WDPCP: variants seen among roughly 807,000 people sequenced by gnomAD.
WDPCP encodes the protein WD repeat containing planar cell polarity effector.
A neutral mutation model predicts 93.1 loss-of-function variants in WDPCP; 71 were observed. The ratio of observed to expected loss-of-function variants is 0.76; its 90% CI spans 0.63 to 0.93. The LOEUF (loss-of-function observed/expected upper bound fraction) is 0.93. Ranked by LOEUF, WDPCP falls within the 40% of genes least tolerant of loss-of-function variation. The probability of loss-of-function intolerance (pLI) is 0.00; values close to 1 mark genes in which losing one functional copy is unlikely to be tolerated. For missense variants in WDPCP, 844 were observed against 887.4 expected (o/e 0.95, Z 0.62); for synonymous variants, 315 against 315.0 (o/e 1.00, Z 0.00).
chr2:63,434,648 T>G (rs1226747795), intron 8 of WDPCP, among the ~76,000 whole-genome samples: 1 of 152,036 alleles, frequency 6.6e-6, no homozygotes, highest in African/African-American at 2.4e-5. Flanking sequence ...GGTTGATAGC[T>G]TGGAAGAAAA....
chr2:63,367,237 T>G (rs1690988124), intron 12 of WDPCP, among the ~76,000 whole-genome samples: 1 of 151,934 alleles, frequency 6.6e-6, no homozygotes, highest in Non-Finnish European at 1.5e-5. Context: ...AGTAAGAATC[T>G]CATACATTAA....
intron 12 of WDPCP, among the ~76,000 whole-genome samples, chr2:63,358,377 AG>A (rs1330606742): frequency 6.6e-6 from 1 of 152,068 alleles, no homozygotes; most frequent in Non-Finnish European, 1.5e-5. Context: ...AATGTTTTCT[AG>A]TAATTGTCTT....
intron 2 of WDPCP, among the ~76,000 whole-genome samples, chr2:63,812,144 C>T (rs899928589): frequency 6.6e-6 from 1 of 152,156 alleles, no homozygotes; most frequent in Non-Finnish European, 1.5e-5. Context: ...GGATTACAGG[C>T]ATGAGCCACC....
chr2:63,404,261 G>C lies in WDPCP; in HGVS notation c.1222C>G (p.Leu408Val), dbSNP rs760868650. 1.9e-6 allele frequency: 3 copies of C among 1,613,972 alleles called. No individual in the cohort carries two copies. The highest frequency in any genetic ancestry group is 1.1e-5 in the South Asian group (1 of 91,048). ...AACAGTTGGATGTTAATAGGGGATA[G>C]AGCCATATCAAAAATTTGCAACTCC... ...QGELQIFDMA[L>V]SPINIQLLAE... is the part of the protein sequence containing the mutation. The change falls in exon 10 of 18, where the codon CTA becomes GTA. Residue 408 changes from leucine (L) to valine (V), a missense_variant. Transcript: ENST00000272321.
intron 12 of WDPCP, among the ~76,000 whole-genome samples, chr2:63,326,736 C>A (rs1687585884): frequency 6.7e-6 from 1 of 149,564 alleles, no homozygotes; most frequent in African/African-American, 2.5e-5. Flanking sequence ...GAGGAAGGAA[C>A]AGAAGAAAGT....
At chr2:63,313,542 AAACATAACCCC>A (rs1489087590) in intron 12 of WDPCP, among the ~76,000 whole-genome samples, 1 of 152,128 alleles carries the variant, frequency 6.6e-6, no homozygotes, top group Admixed American at 6.6e-5. Context: ...TTTCAAGAAT[AAACATAACCCC>A]AAGTAGACAC....
At chr2:63,682,304 T>A (rs921362420) in intron 2 of WDPCP, among the ~76,000 whole-genome samples, 9 of 152,138 alleles carry the variant, frequency 5.9e-5, no homozygotes, top group Non-Finnish European at 1.3e-4. Flanking sequence ...AGAGAAGGAA[T>A]TCATAATTCT....
chr2:63,486,461 C>T (rs554193474), intron 4 of WDPCP, 81 bp downstream of exon 4: 27 of 1,313,262 alleles, frequency 2.1e-5, no homozygotes, highest in Admixed American at 1.7e-4. Context: ...AATAAAGTTT[C>T]CTCTTTGTTC....
rs528652798 is a variant in WDPCP at position 63,627,717 on chromosome 2, T to A, written n.488+22942A>T. Among the ~76,000 whole-genome samples the A allele has an allele frequency of 3.9e-5, 6 of 152,254 alleles. No homozygotes were observed. In the South Asian group the frequency reaches 1.0e-3, roughly 26 times the overall value. On this transcript the variant is annotated intron_variant and non_coding_transcript_variant, in intron 3 of 4. Coordinates refer to the WDPCP transcript ENST00000467687. ...AGACTGCCAGACTTGAAGGGAAGAA[T>A]ACCTTCCCGCTCCATTCCCTTTCCA...
intron 1 of WDPCP, chr2:63,813,844 G>A (rs548547948): frequency 3.3e-5 from 5 of 152,160 alleles, no homozygotes; most frequent in African/African-American, 9.6e-5. Flanking sequence ...TCATAGATAC[G>A]TTTGCAGATA....
In WDPCP at chr2:63,793,878, G is replaced by A. The variant is rs537070775; in HGVS notation, n.308+19744C>T. 1.6e-4 allele frequency among the ~76,000 whole-genome samples: 16 copies of A among 101,166 alleles called. No homozygotes were observed. The South Asian group carries it at 4.1e-3, about 26-fold the overall frequency. 66.4% of individuals were successfully genotyped at this position (101,166 alleles called of 152,430 possible). On this transcript the variant is annotated intron_variant and non_coding_transcript_variant, in intron 2 of 4. Coordinates refer to the WDPCP transcript ENST00000467687. ...AATACTTAGTACTTACATTGTGTGT[G>A]TGTGTGTGTGTGTGTGTGTGTGTGT...
At chr2:63,755,913 T>C (rs1424953791) in intron 2 of WDPCP, among the ~76,000 whole-genome samples, 2 of 152,264 alleles carry the variant, frequency 1.3e-5, no homozygotes, top group Non-Finnish European at 2.9e-5. Flanking sequence ...AAATGTTTCC[T>C]ATGCACTGAC....
chr2:63,392,573 A>C (rs1575313159), intron 10 of WDPCP, among the ~76,000 whole-genome samples: 2 of 152,346 alleles, frequency 1.3e-5, no homozygotes, highest in South Asian at 2.1e-4. Context: ...GCACAGCAAA[A>C]GAAACTACCA....
intron 17 of WDPCP, among the ~76,000 whole-genome samples, chr2:63,146,136 C>T (rs552320469): frequency 3.9e-5 from 6 of 152,158 alleles, no homozygotes; most frequent in East Asian, 1.9e-4. Flanking sequence ...AGATATAGGA[C>T]GATGTTGTCT....
Position 63,553,777 on chromosome 2 carries a change from G to T in WDPCP, c.75+34420C>A, listed in dbSNP as rs367955772. Among the ~76,000 whole-genome samples the T allele has an allele frequency of 1.9e-4, 29 of 152,094 alleles. No homozygotes were observed. In the East Asian group the frequency reaches 2.1e-3, roughly 11 times the overall value. ...AAGTTAATGGAAGTGTTGCAAAAATGATTTTTAAAAAAAACTCCTCTATAC... is the reference window on the plus strand; with the variant it reads ...AAGTTAATGGAAGTGTTGCAAAAATTATTTTTAAAAAAAACTCCTCTATAC... On this transcript the variant is annotated intron_variant, in intron 1 of 17. Transcript: ENST00000272321.
chr2:63,204,045 A>C (rs866062560), intron 14 of WDPCP, among the ~76,000 whole-genome samples: 1 of 152,194 alleles, frequency 6.6e-6, no homozygotes, highest in Non-Finnish European at 1.5e-5. Context: ...AGACTAATGT[A>C]CCTTCTTTTG....
chr2:63,700,282 C>CAAAAAA (rs1196006011), intron 2 of WDPCP, among the ~76,000 whole-genome samples: 12 of 41,552 alleles, frequency 2.9e-4, no homozygotes, highest in Non-Finnish European at 3.9e-4. Context: ...GACCCTGTCT[C>CAAAAAA]AAAAAAAAAA....
intron 1 of WDPCP, among the ~76,000 whole-genome samples, chr2:63,819,216 CCTGT>C (rs1040645145): frequency 1.3e-5 from 2 of 152,150 alleles, no homozygotes; most frequent in Admixed American, 6.6e-5. Flanking sequence ...AGTTATTTAA[CCTGT>C]CTAAGCCTCA....
intron 2 of WDPCP, among the ~76,000 whole-genome samples, chr2:63,809,030 C>T (rs1408101589): frequency 4.0e-5 from 6 of 151,790 alleles, no homozygotes; most frequent in South Asian, 2.1e-4. Flanking sequence ...TCTACCCGGC[C>T]GGGACCCCGT....
Sources: allele counts gnomAD v4.1 joint callset (sites outside exome capture counted in the v4.1 genomes callset), GRCh38; gene constraint gnomAD v4.1.1; transcripts MANE v1.5; gene names NCBI Gene and HGNC (gene_info 2026-07-23, HGNC 2026-07-21).